SOD2: variants seen among roughly 807,000 people sequenced by gnomAD.
SOD2 encodes the protein superoxide dismutase 2, also known as superoxide dismutase [Mn], mitochondrial.
SOD2 carries 11 observed loss-of-function variants against 27.0 expected under a neutral mutation model. That is an observed-to-expected ratio of 0.41 (90% CI 0.26 to 0.67). The LOEUF (loss-of-function observed/expected upper bound fraction) is 0.67. SOD2 is among the 30% of genes least tolerant of loss of function. SOD2 has a pLI of 0.34. For missense variants in SOD2, 250 were observed against 274.5 expected (o/e 0.91, Z 0.63); for synonymous variants, 105 against 103.0 (o/e 1.02, Z -0.12).
chr6:159,730,141 T>G (rs989213431), upstream of SOD2, among the ~76,000 whole-genome samples: 8 of 152,160 alleles, frequency 5.3e-5, no homozygotes, highest in African/African-American at 1.9e-4. Context: ...ATTTATTAAT[T>G]AATAGCTGTT....
At chr6:159,713,092 C>T in intron 1 of SOD2, 1 of 726,560 alleles carries the variant, frequency 1.4e-6, no homozygotes. Flanking sequence ...TTATAACATT[C>T]TTAGTGGCTC....
chr6:159,712,598 A>G (rs978876198), intron 1 of SOD2, among the ~76,000 whole-genome samples: 1 of 148,582 alleles, frequency 6.7e-6, no homozygotes. Flanking sequence ...CCGCCTCCAC[A>G]ACGACCACTC....
Position 159,682,538 on chromosome 6 carries a change from G to T in SOD2, c.624C>A (p.Ile208=). ...PDYLKAIWNV[I]NWENVTERYM... is the part of the protein sequence containing the mutation. ...ATCTTTCAGTTACATTCTCCCAGTT[G>T]ATTACATTCCAAATAGCTTTTAGAT... The change falls in exon 5 of 5, where the codon ATC becomes ATA. Residue 208 remains isoleucine, a synonymous_variant. Transcript: ENST00000538183. The T allele has an allele frequency of 1.2e-6, 2 of 1,613,950 alleles. No individual in the cohort carries two copies. Among genetic ancestry groups the T allele is most frequent in the Non-Finnish European group, 1.7e-6 (2 of 1,179,948 alleles).
chr6:159,743,521 G>A (rs1282391069), intron 1 of SOD2: 1 of 711,354 alleles, frequency 1.4e-6, no homozygotes, highest in Non-Finnish European at 2.2e-6. Context: ...TCGTGACCAG[G>A]AAGAAATTCG....
In SOD2 at chr6:159,679,685, G is replaced by T. The variant is rs1297986981; in HGVS notation, c.*2808C>A. The T allele has an allele frequency of 6.6e-6, 1 of 152,226 alleles. No individual in the cohort carries two copies. The highest frequency in any genetic ancestry group is 1.9e-4 in the East Asian group (1 of 5,202). 9.4% of individuals were successfully genotyped at this position (152,226 alleles called of 1,614,324 possible). A position where few individuals can be genotyped will look rare whatever the true frequency, so the allele number is the denominator to read the frequency against. On this transcript the variant is annotated 3_prime_UTR_variant, in exon 5 of 5. Coordinates refer to ENST00000538183, the MANE Select transcript of SOD2 (RefSeq NM_000636.4). ...TTGAAGCACAGCTATGACTAGGGCA[G>T]GCACTGCTGATTCAGTCACAAAAAC...
intron 2 of SOD2, among the ~76,000 whole-genome samples, chr6:159,690,458 T>A (rs983428926): frequency 4.6e-5 from 7 of 151,712 alleles, no homozygotes; most frequent in Admixed American, 1.3e-4. Context: ...AAAAAAAAAA[T>A]TTTTAAAAGG....
At chr6:159,696,743 A>G (rs1186300343), upstream of SOD2, among the ~76,000 whole-genome samples, 1 of 152,052 alleles carries the variant, frequency 6.6e-6, no homozygotes, top group Non-Finnish European at 1.5e-5. Context: ...GAAGCTGAGA[A>G]ATGTAGTCAG....
At chr6:159,742,972 CTCCTGCCTGGGTAACAGAATAAGA>C (rs2114925988) in intron 1 of SOD2, among the ~76,000 whole-genome samples, 1 of 152,214 alleles carries the variant, frequency 6.6e-6, no homozygotes, top group South Asian at 2.1e-4. Flanking sequence ...TGCCACTGGA[CTCCTGCCTGGGTAACAGAATAAGA>C]TCCTGCCTCA....
At chr6:159,723,459 G>A (rs1347184767) in intron 1 of SOD2, among the ~76,000 whole-genome samples, 4 of 152,152 alleles carry the variant, frequency 2.6e-5, no homozygotes, top group Non-Finnish European at 4.4e-5. Flanking sequence ...CAGGCACAAC[G>A]AAATACCTGG....
intron 1 of SOD2, chr6:159,713,186 A>G (rs1777862534): frequency 1.9e-5 from 24 of 1,237,376 alleles, no homozygotes; most frequent in Non-Finnish European, 2.5e-5. Flanking sequence ...ATGATCAGAC[A>G]TTCCTGAAAA....
At chr6:159,682,961 G>A (rs1780024723) in intron 4 of SOD2, among the ~76,000 whole-genome samples, 1 of 152,116 alleles carries the variant, frequency 6.6e-6, no homozygotes, top group Admixed American at 6.5e-5. Context: ...CCTCATGGTG[G>A]TCTTAGGAGC....
chr6:159,737,195 C>T (rs373884715), intron 1 of SOD2, among the ~76,000 whole-genome samples: 103 of 152,150 alleles, frequency 6.8e-4, no homozygotes, highest in African/African-American at 2.4e-3. Flanking sequence ...GCTACAAGTA[C>T]GTGCCACCAC....
chr6:159,696,494 A>AT (rs1233025476), upstream of SOD2, among the ~76,000 whole-genome samples: 1 of 151,094 alleles, frequency 6.6e-6, no homozygotes, highest in Non-Finnish European at 1.5e-5. Context: ...TAATTTTTGT[A>AT]TTTTTAGTGG....
At chr6:159,701,950 G>A (rs1777529770) in intron 1 of SOD2, among the ~76,000 whole-genome samples, 1 of 152,166 alleles carries the variant, frequency 6.6e-6, no homozygotes, top group African/African-American at 2.4e-5. Context: ...GCTATACACA[G>A]CTGCTTTTCT....
chr6:159,736,949 A>G (rs1319715106), intron 1 of SOD2, among the ~76,000 whole-genome samples: 1 of 152,242 alleles, frequency 6.6e-6, no homozygotes, highest in Non-Finnish European at 1.5e-5. Context: ...TAGATATTAC[A>G]GAAGTTTCCT....
chr6:159,679,101 C>G lies in SOD2; in HGVS notation c.*3392G>C, dbSNP rs920180357. The G allele has an allele frequency of 6.6e-6, 1 of 152,160 alleles. No homozygotes were observed. Among genetic ancestry groups the G allele is most frequent in the Non-Finnish European group, 1.5e-5 (1 of 68,038 alleles). 9.4% of individuals were successfully genotyped at this position (152,160 alleles called of 1,614,324 possible). The stretch of plus-strand genomic sequence containing the variant: ...ATTTTTAAAGTTTTTGACATGCAAG[C>G]ATAATGCAGACCTCTTTGATGGTTG... On this transcript the variant is annotated 3_prime_UTR_variant, in exon 5 of 5. Transcript: ENST00000538183.
chr6:159,684,535 T>C (rs950622436), intron 4 of SOD2, among the ~76,000 whole-genome samples: 13 of 152,146 alleles, frequency 8.5e-5, no homozygotes, highest in African/African-American at 3.1e-4. Flanking sequence ...GAGAATCACT[T>C]GAACCCAGGA....
exon 1 of SOD2, chr6:159,761,949 G>C: frequency 1.0e-6 from 1 of 1,001,726 alleles, no homozygotes; most frequent in Non-Finnish European, 1.5e-6. Context: ...TGGGATGCGC[G>C]GGGAGGTGGT....
chr6:159,693,293 C>T (rs191268468), upstream of SOD2: 26 of 747,962 alleles, frequency 3.5e-5, no homozygotes, highest in African/African-American at 3.3e-4. Flanking sequence ...AGCAGGGCCG[C>T]GACCCCAGCT....
Sources: gnomAD v4.1 joint callset for allele counts (sites outside exome capture counted in the v4.1 genomes callset) on GRCh38, gnomAD v4.1.1 for gene constraint, MANE v1.5 for transcripts, NCBI Gene and HGNC (gene_info 2026-07-23, HGNC 2026-07-21) for gene names.